FKBP1B: variants seen among roughly 807,000 people sequenced by gnomAD.
FKBP1B encodes the protein peptidyl-prolyl cis-trans isomerase FKBP1B.
FKBP1B carries 4 observed loss-of-function variants against 13.5 expected under a neutral mutation model. That is an observed-to-expected ratio of 0.30 (90% CI 0.15 to 0.68). The LOEUF is 0.68. Among genes scored for constraint, FKBP1B ranks in the 30% least tolerant of loss-of-function variants. The pLI is 0.76. For missense variants in FKBP1B, 93 were observed against 136.2 expected (o/e 0.68, Z 1.58); for synonymous variants, 54 against 53.6 (o/e 1.01, Z -0.03).
At chr2:24,043,427 C>T in the FKBP1B span, among the ~76,000 whole-genome samples, 1 of 152,248 alleles carries the variant, frequency 6.6e-6, no homozygotes, top group African/African-American at 2.4e-5. Context: ...AGAAGGATCA[C>T]TTGAGCCCTG....
upstream of FKBP1B, among the ~76,000 whole-genome samples, chr2:24,049,100 T>C (rs1013405302): frequency 2.0e-5 from 3 of 152,218 alleles, no homozygotes; most frequent in Non-Finnish European, 4.4e-5. Context: ...TCTTCTGTGC[T>C]TCCGCAACGC....
chr2:24,056,317 AGCGTTCAGTAC>A (rs1189735284), intron 2 of FKBP1B, among the ~76,000 whole-genome samples: 1 of 150,284 alleles, frequency 6.7e-6, no homozygotes, highest in Non-Finnish European at 1.5e-5. Flanking sequence ...TACTCTGGTG[AGCGTTCAGTAC>A]CATTTCATTG....
the FKBP1B span, among the ~76,000 whole-genome samples, chr2:24,040,499 T>C: frequency 6.6e-6 from 1 of 152,246 alleles, no homozygotes; most frequent in Non-Finnish European, 1.5e-5. Context: ...CCAAAGTGGC[T>C]TTTATCCCTC....
In FKBP1B at chr2:24,063,461, A is replaced by G; in HGVS notation, c.*269A>G. 1 of 377,258 alleles carries G rather than the reference A, an allele frequency of 2.7e-6. No homozygotes were observed. The allele number at this position is 377,258 out of a possible 1,614,324, so 23.4% of individuals were successfully genotyped here. A position where few individuals can be genotyped will look rare whatever the true frequency, so the allele number is the denominator to read the frequency against. Reference sequence around the variant, plus strand: ...GCATGTAGTAGCCTTTCCTGATGACAGAACACAGATCTCTTGTTCGCACAA... The same window carrying G: ...GCATGTAGTAGCCTTTCCTGATGACGGAACACAGATCTCTTGTTCGCACAA... On this transcript the variant is annotated 3_prime_UTR_variant, in exon 4 of 4. Coordinates refer to ENST00000380986, the MANE Select transcript of FKBP1B (RefSeq NM_004116.5).
chr2:24,037,783 A>T, the FKBP1B span: 1 of 1,614,260 alleles, frequency 6.2e-7, no homozygotes, highest in Admixed American at 1.7e-5. Context: ...ACACCGTTGC[A>T]TTTCAACCAG....
upstream of FKBP1B, among the ~76,000 whole-genome samples, chr2:24,045,445 T>C (rs1663580624): frequency 6.6e-6 from 1 of 151,538 alleles, no homozygotes; most frequent in East Asian, 2.0e-4. Flanking sequence ...CTACTAAAAA[T>C]ACAATATTAG....
At chr2:24,039,582 AAG>A in the FKBP1B span, 1 of 1,415,078 alleles carries the variant, frequency 7.1e-7, no homozygotes, top group Non-Finnish European at 9.7e-7. Context: ...GACATTTGGT[AAG>A]ACAACGGCTT....
chr2:24,038,710 T>G, the FKBP1B span: 1 of 1,614,212 alleles, frequency 6.2e-7, no homozygotes, highest in Non-Finnish European at 8.5e-7. Context: ...AGTTGCCTCT[T>G]TATCCATAGA....
At chr2:24,057,247 C>G (rs1374304356) in intron 2 of FKBP1B, among the ~76,000 whole-genome samples, 1 of 151,770 alleles carries the variant, frequency 6.6e-6, no homozygotes, top group Admixed American at 6.6e-5. Flanking sequence ...TTCAGTGGCT[C>G]TAGTCTTCAG....
upstream of FKBP1B, among the ~76,000 whole-genome samples, chr2:24,047,860 C>T (rs1357166136): frequency 3.3e-5 from 5 of 152,256 alleles, no homozygotes; most frequent in Admixed American, 1.3e-4. Context: ...CCTAAGCGTG[C>T]CTGCTCTGGC....
upstream of FKBP1B, among the ~76,000 whole-genome samples, chr2:24,046,729 A>G (rs1663637724): frequency 6.6e-6 from 1 of 152,196 alleles, no homozygotes; most frequent in Admixed American, 6.5e-5. Flanking sequence ...CATACACAAG[A>G]AAAAAATTAA....
the FKBP1B span, among the ~76,000 whole-genome samples, chr2:24,041,746 G>C: frequency 1.0e-3 from 151 of 151,236 alleles, no homozygotes; most frequent in African/African-American, 3.5e-3. Context: ...CCAGCTACTC[G>C]GGAGGCTGAG....
intron 2 of FKBP1B, 86 bp from the exon 3 acceptor site, chr2:24,060,721 GCAGAAAA>G: frequency 2.3e-6 from 2 of 871,974 alleles, no homozygotes; most frequent in Admixed American, 1.9e-5. Context: ...GCAGGTGTGT[GCAGAAAA>G]GGCATTCCAT....
chr2:24,039,809 T>C, the FKBP1B span, among the ~76,000 whole-genome samples: 1 of 152,292 alleles, frequency 6.6e-6, no homozygotes, highest in East Asian at 1.9e-4. Flanking sequence ...TCTTCTTTTT[T>C]TTTTTGAGAC....
At chr2:24,052,116 T>A (rs1663907368) in intron 1 of FKBP1B, among the ~76,000 whole-genome samples, 1 of 152,186 alleles carries the variant, frequency 6.6e-6, no homozygotes, top group South Asian at 2.1e-4. Flanking sequence ...TTGCATGACC[T>A]GTCAGCTCCG....
chr2:24,036,680 G>C, the FKBP1B span, among the ~76,000 whole-genome samples: 2 of 152,164 alleles, frequency 1.3e-5, no homozygotes, highest in African/African-American at 4.8e-5. Flanking sequence ...AAAACAAAGT[G>C]AATGTCAATC....
At chr2:24,037,715 G>C in the FKBP1B span, 5 of 1,613,928 alleles carry the variant, frequency 3.1e-6, no homozygotes, top group South Asian at 4.4e-5. Context: ...TCTTGAGAGA[G>C]TGGATACACT....
At chr2:24,040,330 A>G in the FKBP1B span, among the ~76,000 whole-genome samples, 2 of 152,228 alleles carry the variant, frequency 1.3e-5, no homozygotes, top group African/African-American at 4.8e-5. Flanking sequence ...CTATGTTAGT[A>G]TTTATGGTAC....
At chr2:24,039,068 G>A in the FKBP1B span, 1 of 1,614,156 alleles carries the variant, frequency 6.2e-7, no homozygotes, top group Non-Finnish European at 8.5e-7. Context: ...TCATCAGAGT[G>A]AACATTAGGG....
Sources: gnomAD v4.1 joint callset for allele counts (sites outside exome capture counted in the v4.1 genomes callset) on GRCh38, gnomAD v4.1.1 for gene constraint, MANE v1.5 for transcripts, NCBI Gene and HGNC (gene_info 2026-07-23, HGNC 2026-07-21) for gene names.